KALRN: variants seen among roughly 807,000 people sequenced by gnomAD.
KALRN encodes kalirin RhoGEF kinase.
In KALRN, 70 loss-of-function variants were observed where a neutral mutation model predicts 353.7. The observed-to-expected ratio is 0.20, with a 90% CI of 0.16 to 0.24. The LOEUF is 0.24. Ranked by LOEUF, KALRN falls within the 10% of genes least tolerant of loss-of-function variation. KALRN has a pLI of 1.00. For missense variants in KALRN, 2,791 were observed against 3,756.7 expected (o/e 0.74, Z 6.72); for synonymous variants, 1,391 against 1,434.8 (o/e 0.97, Z 0.69).
intron 23 of KALRN, among the ~76,000 whole-genome samples, chr3:124,460,076 G>T (rs939873249): frequency 6.6e-6 from 1 of 152,164 alleles, no homozygotes; most frequent in African/African-American, 2.4e-5. Context: ...CTGTTTCCGT[G>T]CTCACGTGGC....
intron 1 of KALRN, among the ~76,000 whole-genome samples, chr3:124,056,320 G>C (rs977011360): frequency 3.3e-5 from 5 of 152,006 alleles, no homozygotes; most frequent in Non-Finnish European, 5.9e-5. Flanking sequence ...GATGTCAGTG[G>C]AGACCTCGAG....
chr3:124,696,351 G>C, intron 54 of KALRN, 96 bp downstream of exon 54: 4 of 1,202,784 alleles, frequency 3.3e-6, no homozygotes, highest in Non-Finnish European at 4.6e-6. Flanking sequence ...GTTCATGGCA[G>C]CCTTGACCTC....
chr3:124,546,498 G>A, intron 33 of KALRN, among the ~76,000 whole-genome samples: 1 of 151,916 alleles, frequency 6.6e-6, no homozygotes, highest in East Asian at 1.9e-4. Context: ...AAGAAAGAAA[G>A]GCAGACAGTG....
chr3:124,189,015 T>C (rs2074575698), intron 1 of KALRN, among the ~76,000 whole-genome samples: 1 of 152,198 alleles, frequency 6.6e-6, no homozygotes, highest in African/African-American at 2.4e-5. Flanking sequence ...GCATTATCTT[T>C]CTTATACTTG....
At chr3:124,562,776 C>T in intron 33 of KALRN, 67 bp from the exon 34 acceptor site, 2 of 1,249,220 alleles carry the variant, frequency 1.6e-6, no homozygotes, top group Non-Finnish European at 2.1e-6. Flanking sequence ...CACCAACCCT[C>T]TCCCATATTT....
chr3:124,344,032 G>A (rs894840064), intron 9 of KALRN, among the ~76,000 whole-genome samples: 17 of 152,326 alleles, frequency 1.1e-4, no homozygotes, highest in African/African-American at 3.8e-4. Context: ...CCAATTCAGA[G>A]CCATCGATAG....
chr3:124,398,954 A>G, intron 13 of KALRN, 83 bp downstream of exon 13: 4 of 1,409,518 alleles, frequency 2.8e-6, no homozygotes, highest in Non-Finnish European at 2.9e-6. Context: ...GCAGGGCAGT[A>G]GCCTAAGGAA....
intron 34 of KALRN, among the ~76,000 whole-genome samples, chr3:124,594,018 T>A (rs1054941594): frequency 2.6e-5 from 4 of 151,986 alleles, no homozygotes. Context: ...AAAGTAACTA[T>A]GCTGACTACA....
chr3:124,286,103 C>CTT (rs1226737953), intron 5 of KALRN, among the ~76,000 whole-genome samples: 1 of 144,796 alleles, frequency 6.9e-6, no homozygotes, highest in Non-Finnish European at 1.5e-5. Context: ...TTCTTTCTTT[C>CTT]TTTCTTTCTT....
chr3:124,597,475 C>G (rs1317733130), intron 34 of KALRN, among the ~76,000 whole-genome samples: 3 of 152,112 alleles, frequency 2.0e-5, no homozygotes, highest in Admixed American at 2.0e-4. Context: ...TGGGAGGACT[C>G]CCCAGGGGAT....
intron 21 of KALRN, among the ~76,000 whole-genome samples, chr3:124,453,842 C>T (rs373578218): frequency 2.0e-5 from 3 of 152,252 alleles, no homozygotes; most frequent in Middle Eastern, 3.4e-3. Context: ...CATGCCTGTC[C>T]GCCTTCATTT....
intron 27 of KALRN, among the ~76,000 whole-genome samples, chr3:124,482,333 A>G (rs1197573275): frequency 6.6e-6 from 1 of 152,152 alleles, no homozygotes; most frequent in African/African-American, 2.4e-5. Flanking sequence ...AAGGAGATAT[A>G]TCCTTGTGCT....
chr3:124,261,481 A>G (rs1339961683), intron 3 of KALRN, among the ~76,000 whole-genome samples: 3 of 152,256 alleles, frequency 2.0e-5, no homozygotes, highest in African/African-American at 4.8e-5. Flanking sequence ...TTTCACAGAA[A>G]GATGCCAATT....
intron 1 of KALRN, among the ~76,000 whole-genome samples, chr3:124,222,432 A>C (rs574325316): frequency 1.3e-5 from 2 of 152,136 alleles, no homozygotes; most frequent in South Asian, 2.1e-4. Flanking sequence ...TAGGGGCCAG[A>C]GGGGTGATGA....
intron 29 of KALRN, among the ~76,000 whole-genome samples, chr3:124,490,349 G>A (rs189428729): frequency 9.2e-5 from 14 of 152,354 alleles, no homozygotes; most frequent in Admixed American, 2.0e-4. Flanking sequence ...AGGAACAGTA[G>A]AAAGTTGTGG....
Position 124,474,646 on chromosome 3 carries a change from T to C in KALRN, c.4032-17T>C. 1 of 1,611,088 alleles carries C rather than the reference T, an allele frequency of 6.2e-7. No homozygotes were observed. The highest frequency in any genetic ancestry group is 8.5e-7 in the Non-Finnish European group (1 of 1,177,302). ...CTGCACAGAGGTGTCTGATTCAGTC[T>C]TTTTCTCCTCTTGCAGCATCTTCCT... On this transcript the variant is annotated splice_polypyrimidine_tract_variant and intron_variant, in intron 25 of 59. Transcript: ENST00000682506.
At chr3:124,491,606 A>G in intron 31 of KALRN, 182 bp downstream of exon 31, 1 of 450,302 alleles carries the variant, frequency 2.2e-6, no homozygotes, top group Non-Finnish European at 3.9e-6. Flanking sequence ...CCAGAATCTC[A>G]AAGACGCATG....
chr3:124,645,540 T>G (rs758190547), intron 37 of KALRN, among the ~76,000 whole-genome samples: 6 of 152,212 alleles, frequency 3.9e-5, no homozygotes, highest in Non-Finnish European at 7.3e-5. Context: ...TTCAGTTTTC[T>G]GCATATGGCT....
intron 11 of KALRN, 81 bp from the exon 12 acceptor site, chr3:124,395,054 T>C: frequency 1.9e-6 from 2 of 1,077,546 alleles, no homozygotes; most frequent in Non-Finnish European, 2.8e-6. Context: ...GTTGGGTGAT[T>C]CCAGTCTAGC....
Sources: gnomAD v4.1 joint callset for allele counts (sites outside exome capture counted in the v4.1 genomes callset) on GRCh38, gnomAD v4.1.1 for gene constraint, MANE v1.5 for transcripts, NCBI Gene and HGNC (gene_info 2026-07-23, HGNC 2026-07-21) for gene names.